Variants in RARB observed in about 807,000 individuals in gnomAD.
RARB encodes HBV-activated protein.
RARB carries 17 observed loss-of-function variants against 51.9 expected under a neutral mutation model. The ratio of observed to expected loss-of-function variants is 0.33; its 90% CI spans 0.22 to 0.49. The LOEUF (loss-of-function observed/expected upper bound fraction) is 0.49. Among genes scored for constraint, RARB ranks in the 20% least tolerant of loss-of-function variants. The pLI is 0.99. For synonymous variants in RARB, 215 were observed against 195.4 expected (o/e 1.10, Z -0.84); for missense variants, 369 against 550.8 (o/e 0.67, Z 3.30).
At chr3:25,337,456 C>G (rs1705096758) in intron 5 of RARB, among the ~76,000 whole-genome samples, 1 of 152,196 alleles carries the variant, frequency 6.6e-6, no homozygotes, top group African/African-American at 2.4e-5. Flanking sequence ...TTACCAATAG[C>G]TACATTTAGC....
chr3:25,133,378 C>G (rs909779437), intron 4 of RARB, among the ~76,000 whole-genome samples: 6 of 151,826 alleles, frequency 4.0e-5, no homozygotes, highest in African/African-American at 1.5e-4. Context: ...TATTTTTTTC[C>G]AAGCCTATGA....
chr3:25,236,701 G>A (rs867702191), intron 5 of RARB, among the ~76,000 whole-genome samples: 1 of 152,006 alleles, frequency 6.6e-6, no homozygotes, highest in African/African-American at 2.4e-5. Flanking sequence ...TTACATTAAT[G>A]TATGTCTGCT....
intron 5 of RARB, among the ~76,000 whole-genome samples, chr3:25,260,146 C>T (rs536763565): frequency 2.0e-5 from 3 of 152,178 alleles, no homozygotes; most frequent in African/African-American, 7.2e-5. Context: ...CCTCTGATAC[C>T]CGGTGGGCAG....
chr3:25,491,281 A>C (rs1696723020), intron 2 of RARB, among the ~76,000 whole-genome samples: 1 of 149,602 alleles, frequency 6.7e-6, no homozygotes, highest in African/African-American at 2.5e-5. Context: ...CTGCACCCCC[A>C]CCCCCAAGTC....
At chr3:25,227,472 A>G (rs888282560) in intron 5 of RARB, among the ~76,000 whole-genome samples, 2 of 152,102 alleles carry the variant, frequency 1.3e-5, no homozygotes, top group African/African-American at 2.4e-5. Context: ...TTACATATAT[A>G]TTTCCACAAC....
At chr3:25,154,579 A>G (rs1403500584) in intron 4 of RARB, among the ~76,000 whole-genome samples, 1 of 152,170 alleles carries the variant, frequency 6.6e-6, no homozygotes, top group Non-Finnish European at 1.5e-5. Context: ...ATATCTCACA[A>G]TGTCATGTCC....
intron 5 of RARB, among the ~76,000 whole-genome samples, chr3:25,306,514 A>G (rs79280598): frequency 6.6e-6 from 1 of 151,964 alleles, no homozygotes; most frequent in African/African-American, 2.4e-5. Context: ...AAAAAAAAAA[A>G]GACTTAGAAG....
chr3:25,182,580 G>A (rs966382719), intron 5 of RARB, among the ~76,000 whole-genome samples: 2 of 152,210 alleles, frequency 1.3e-5, no homozygotes, highest in East Asian at 1.9e-4. Flanking sequence ...CATAAGGGTT[G>A]TGTTAGGTAT....
At chr3:25,111,168 A>G (rs1344907398) in intron 3 of RARB, among the ~76,000 whole-genome samples, 5 of 152,200 alleles carry the variant, frequency 3.3e-5, no homozygotes, top group Non-Finnish European at 7.3e-5. Flanking sequence ...CAAGTAATCA[A>G]TCCTAATACT....
At chr3:25,515,515 A>G (rs1698119514) in intron 3 of RARB, among the ~76,000 whole-genome samples, 1 of 152,022 alleles carries the variant, frequency 6.6e-6, no homozygotes, top group South Asian at 2.1e-4. Flanking sequence ...CCTGGGGGGG[A>G]GGGGGAACAA....
At chr3:25,546,229 T>C (rs972144839) in intron 3 of RARB, among the ~76,000 whole-genome samples, 2 of 152,290 alleles carry the variant, frequency 1.3e-5, no homozygotes, top group South Asian at 4.1e-4. Context: ...TCACATGGGC[T>C]TTGTAAGGCT....
intron 3 of RARB, among the ~76,000 whole-genome samples, chr3:25,068,788 TC>T (rs1487086273): frequency 2.0e-5 from 3 of 152,082 alleles, no homozygotes; most frequent in African/African-American, 7.2e-5. Flanking sequence ...ATGGCGGCCC[TC>T]CTTTCCCTCC....
At chr3:24,955,721 A>C (rs911773612) in intron 2 of RARB, among the ~76,000 whole-genome samples, 1 of 152,082 alleles carries the variant, frequency 6.6e-6, no homozygotes, top group Admixed American at 6.6e-5. Context: ...TGGGGATGTT[A>C]ACAATTTTTT....
chr3:25,504,189 T>C (rs1697452548), intron 3 of RARB, among the ~76,000 whole-genome samples: 2 of 152,158 alleles, frequency 1.3e-5, no homozygotes, highest in South Asian at 4.1e-4. Context: ...CAAAGGCACA[T>C]GTTTGTTTTT....
At chr3:25,179,915 T>C (rs1285262146) in intron 5 of RARB, among the ~76,000 whole-genome samples, 1 of 152,220 alleles carries the variant, frequency 6.6e-6, no homozygotes, top group African/African-American at 2.4e-5. Context: ...GAACCACAAT[T>C]ACTTTTGCAC....
At chr3:25,010,619 C>G (rs889500900) in intron 2 of RARB, among the ~76,000 whole-genome samples, 7 of 152,040 alleles carry the variant, frequency 4.6e-5, no homozygotes, top group African/African-American at 1.7e-4. Context: ...TGGGCACTTC[C>G]ACATTCATTA....
At chr3:25,146,570 C>A (rs1347364722) in intron 4 of RARB, among the ~76,000 whole-genome samples, 1 of 145,984 alleles carries the variant, frequency 6.9e-6, no homozygotes. Flanking sequence ...TGCAATGGCG[C>A]GATCTCGGCT....
At chr3:25,200,428 C>A (rs998707492) in intron 5 of RARB, among the ~76,000 whole-genome samples, 17 of 152,058 alleles carry the variant, frequency 1.1e-4, no homozygotes, top group African/African-American at 4.1e-4. Context: ...TTTTGCTGTG[C>A]AGAAGCTCTT....
intron 3 of RARB, among the ~76,000 whole-genome samples, chr3:25,105,529 C>T (rs988354124): frequency 2.6e-5 from 4 of 151,614 alleles, no homozygotes; most frequent in Non-Finnish European, 5.9e-5. Context: ...TAGTTCTTTC[C>T]TTGGCCTTTA....
Sources: gnomAD v4.1 joint callset for allele counts (sites outside exome capture counted in the v4.1 genomes callset) on GRCh38, gnomAD v4.1.1 for gene constraint, MANE v1.5 for transcripts, NCBI Gene and HGNC (gene_info 2026-07-23, HGNC 2026-07-21) for gene names.